PTPRN2: variants seen among roughly 807,000 people sequenced by gnomAD.
PTPRN2 encodes the protein receptor-type tyrosine-protein phosphatase N2.
A neutral mutation model predicts 118.8 loss-of-function variants in PTPRN2; 74 were observed. That is an observed-to-expected ratio of 0.62 (90% CI 0.52 to 0.76). The LOEUF is 0.76. Among genes scored for constraint, PTPRN2 ranks in the 30% least tolerant of loss-of-function variants. The probability of loss-of-function intolerance (pLI) is 0.00; values close to 1 mark genes in which losing one functional copy is unlikely to be tolerated. For missense variants in PTPRN2, 1,481 were observed against 1,394.4 expected (o/e 1.06, Z -0.99); for synonymous variants, 641 against 608.0 (o/e 1.05, Z -0.80).
intron 11 of PTPRN2, among the ~76,000 whole-genome samples, chr7:157,936,545 C>T (rs1422600339): frequency 6.6e-6 from 1 of 152,132 alleles, no homozygotes; most frequent in African/African-American, 2.4e-5. Context: ...CTTCTAGTGT[C>T]TCCTCCACTC....
At chr7:158,332,803 C>T (rs1363491042) in intron 2 of PTPRN2, among the ~76,000 whole-genome samples, 15 of 148,742 alleles carry the variant, frequency 1.0e-4, no homozygotes, top group African/African-American at 3.3e-4. Context: ...TGCCTGCAGA[C>T]GTCACTCACG....
chr7:158,405,238 G>C (rs1813316383), intron 2 of PTPRN2, among the ~76,000 whole-genome samples: 1 of 152,076 alleles, frequency 6.6e-6, no homozygotes, highest in South Asian at 2.1e-4. Context: ...AGAATTCCTG[G>C]GTGTCACATC....
intron 3 of PTPRN2, among the ~76,000 whole-genome samples, chr7:158,271,397 T>G (rs1256854743): frequency 6.6e-6 from 1 of 152,248 alleles, no homozygotes; most frequent in Non-Finnish European, 1.5e-5. Context: ...CATTAAAGTA[T>G]TCAATTACAT....
At chr7:157,949,782 T>C (rs1800697002) in intron 11 of PTPRN2, among the ~76,000 whole-genome samples, 1 of 152,222 alleles carries the variant, frequency 6.6e-6, no homozygotes, top group African/African-American at 2.4e-5. Context: ...AATCAATAAA[T>C]GAATGATTAA....
At position 157,540,061 on chromosome 7, in the gene PTPRN2, G is replaced by A. The variant is rs866605818; in HGVS notation, c.*653C>T. The stretch of plus-strand genomic sequence containing the variant: ...CTCAAGTGGGCACTACTCATGGGGT[G>A]CACAGGTGTCTGCCCCCGGGGAGCC... On this transcript the variant is annotated 3_prime_UTR_variant, in exon 23 of 23. Transcript: ENST00000389418. The A allele has an allele frequency of 6.6e-6, 1 of 152,432 alleles. No homozygotes were observed. The highest frequency in any genetic ancestry group is 2.4e-5 in the African/African-American group (1 of 41,584). The allele number at this position is 152,432 out of a possible 1,614,324, so 9.4% of individuals were successfully genotyped here.
chr7:158,430,424 C>T (rs1239492727), intron 2 of PTPRN2, among the ~76,000 whole-genome samples: 1 of 152,218 alleles, frequency 6.6e-6, no homozygotes, highest in East Asian at 1.9e-4. Flanking sequence ...ACCCCAGGCA[C>T]ATTCACAGAA....
intron 16 of PTPRN2, among the ~76,000 whole-genome samples, chr7:157,602,552 C>T (rs755381313): frequency 6.6e-6 from 1 of 152,100 alleles, no homozygotes; most frequent in Non-Finnish European, 1.5e-5. Flanking sequence ...CCACTGAGAC[C>T]AGCAGAGCTG....
chr7:158,396,594 G>A (rs868276881), intron 2 of PTPRN2, among the ~76,000 whole-genome samples: 10 of 151,834 alleles, frequency 6.6e-5, no homozygotes, highest in Admixed American at 5.9e-4. Context: ...GGATGTTAGA[G>A]GCCACCCAGA....
intron 11 of PTPRN2, among the ~76,000 whole-genome samples, chr7:157,922,856 C>G (rs567574289): frequency 6.6e-6 from 1 of 152,210 alleles, no homozygotes; most frequent in South Asian, 2.1e-4. Flanking sequence ...CACTCGCTTA[C>G]AAAAACCTAT....
Position 158,293,459 on chromosome 7 carries a change from C to T in PTPRN2, c.277+23360G>A, listed in dbSNP as rs147636949. Reference sequence around the variant, plus strand: ...GGTGTGGTAGTGTGCACATGTAATCCCAGGTACTCGGGAGGCTGAGGCAGG... The same window carrying T: ...GGTGTGGTAGTGTGCACATGTAATCTCAGGTACTCGGGAGGCTGAGGCAGG... On this transcript the variant is annotated intron_variant, in intron 3 of 22. Transcript: ENST00000389418. Among the ~76,000 whole-genome samples the T allele has an allele frequency of 2.5e-3, 374 of 151,792 alleles. 6 individuals are homozygous for T. Among genetic ancestry groups the T allele is most frequent in the African/African-American group, 8.4e-3 (348 of 41,378 alleles).
intron 12 of PTPRN2, among the ~76,000 whole-genome samples, chr7:157,781,927 C>A (rs1028439357): frequency 1.1e-4 from 17 of 152,358 alleles, no homozygotes; most frequent in Non-Finnish European, 2.2e-4. Context: ...GCCCACACAG[C>A]AGCTTCAGGC....
Position 157,608,320 on chromosome 7 carries a change from G to A in PTPRN2, c.2345-4245C>T, listed in dbSNP as rs148970594. ...TGACCTCAGATGATCCACCTGCCTCGGCCTCCCAAAGTGCTGGGATTACAG... is the reference window on the plus strand; with the variant it reads ...TGACCTCAGATGATCCACCTGCCTCAGCCTCCCAAAGTGCTGGGATTACAG... On this transcript the variant is annotated intron_variant, in intron 15 of 22. Transcript: ENST00000389418. 3.5e-4 allele frequency among the ~76,000 whole-genome samples: 53 copies of A among 152,192 alleles called. 1 individual carries two copies. The East Asian group carries it at 9.5e-3, about 27-fold the overall frequency.
intron 11 of PTPRN2, among the ~76,000 whole-genome samples, chr7:157,922,924 A>C (rs1798768063): frequency 6.6e-6 from 1 of 152,276 alleles, no homozygotes; most frequent in Non-Finnish European, 1.5e-5. Flanking sequence ...ACCAGTGGCA[A>C]GCCTGCTCTG....
At chr7:158,026,633 T>C (rs11772608) in intron 11 of PTPRN2, among the ~76,000 whole-genome samples, 124,320 of 152,204 alleles carry the variant, frequency 0.82, 51,304 homozygotes, top group Non-Finnish European at 0.89. Flanking sequence ...CCACGTGAGA[T>C]GGTACAGGAG....
chr7:158,395,090 G>C (rs1242392509), intron 2 of PTPRN2, among the ~76,000 whole-genome samples: 1 of 152,064 alleles, frequency 6.6e-6, no homozygotes. Flanking sequence ...CTGACCCCTC[G>C]TTCCCGCCAG....
Position 157,595,316 on chromosome 7 carries a change from C to T in PTPRN2, c.2419-1G>A. 1 of 1,614,194 alleles carries T rather than the reference C, an allele frequency of 6.2e-7. No homozygotes were observed. The highest frequency in any genetic ancestry group is 8.5e-7 in the Non-Finnish European group (1 of 1,180,010). On this transcript the variant is annotated splice_acceptor_variant, in intron 16 of 22. Coordinates refer to ENST00000389418, the MANE Select transcript of PTPRN2 (RefSeq NM_002847.5). LOFTEE classifies it high-confidence loss of function. ...CGGGGTTCCTCGGGTCGTGATCCAT[C>T]TGCAGAGACAAGACCACACCACAGC... is the stretch of plus-strand genomic sequence containing the variant.
At chr7:158,457,538 T>G in intron 2 of PTPRN2, among the ~76,000 whole-genome samples, 2 of 135,350 alleles carry the variant, frequency 1.5e-5, no homozygotes, top group African/African-American at 2.8e-5. Flanking sequence ...CTGGGGGGAG[T>G]CACAGTAAAG....
chr7:158,432,936 T>C (rs2129430130), intron 2 of PTPRN2, among the ~76,000 whole-genome samples: 1 of 152,248 alleles, frequency 6.6e-6, no homozygotes, highest in South Asian at 2.1e-4. Flanking sequence ...CACCCAGACA[T>C]AGATTCATAA....
chr7:158,274,161 G>A lies in PTPRN2; in HGVS notation c.277+42658C>T, dbSNP rs577946547. Reference sequence around the variant, plus strand: ...ACACAGGGAGCCGCAGACACAGGGGGAGCCGCAGACACAGGAGGAGACACA... The same window carrying A: ...ACACAGGGAGCCGCAGACACAGGGGAAGCCGCAGACACAGGAGGAGACACA... On this transcript the variant is annotated intron_variant, in intron 3 of 22. Transcript: ENST00000389418. 7.4e-3 allele frequency among the ~76,000 whole-genome samples: 831 copies of A among 112,394 alleles called. 8 individuals are homozygous for A. The highest frequency in any genetic ancestry group is 0.01 in the Non-Finnish European group (554 of 55,006). 73.7% of individuals were successfully genotyped at this position (112,394 alleles called of 152,430 possible). A position where few individuals can be genotyped will look rare whatever the true frequency, so the allele number is the denominator to read the frequency against.
Sources: gnomAD v4.1 joint callset for allele counts (sites outside exome capture counted in the v4.1 genomes callset) on GRCh38, gnomAD v4.1.1 for gene constraint, MANE v1.5 for transcripts, NCBI Gene and HGNC (gene_info 2026-07-23, HGNC 2026-07-21) for gene names.